Variants in EYS observed in about 807,000 individuals in gnomAD.
The protein encoded by EYS is EGF-like photoreceptor maintenance factor.
EYS carries 250 observed loss-of-function variants against 282.1 expected under a neutral mutation model. The observed-to-expected ratio is 0.89, with a 90% confidence interval of 0.80 to 0.98. The LOEUF (loss-of-function observed/expected upper bound fraction) is 0.98, where lower values mean the gene tolerates loss of function less well. Among genes scored for constraint, EYS ranks in the 50% least tolerant of loss-of-function variants. EYS has a pLI of 0.00. For synonymous variants in EYS, 1,355 were observed against 1,282.9 expected (o/e 1.06, Z -1.20); for missense variants, 4,016 against 3,709.0 (o/e 1.08, Z -2.15).
rs1280273701 is a variant in EYS at position 65,353,579 on chromosome 6, C to A, written c.1338G>T (p.Trp446Cys). The A allele has an allele frequency of 3.1e-6, 5 of 1,612,948 alleles. No homozygotes were observed. Residue 446 changes from tryptophan (W) to cysteine (C), a missense_variant, in exon 9 of 43, where the codon TGG (tryptophan) becomes TGT (cysteine). Transcript: ENST00000503581. ...CIPGCTKNPCWFLKNVYLIHQ... is the reference protein window; with the variant it reads ...CIPGCTKNPCCFLKNVYLIHQ... ...GAATTAGGTAAACATTCTTCAAAAA[C>A]CAACATGGATTTTTTGTGCACCCTG...
chr6:64,317,076 A>C (rs1389998860), intron 29 of EYS, among the ~76,000 whole-genome samples: 1 of 152,202 alleles, frequency 6.6e-6, no homozygotes, highest in Non-Finnish European at 1.5e-5. Context: ...AGATGGATTA[A>C]AGACTTAAAT....
At chr6:65,232,835 T>G (rs546544383) in intron 12 of EYS, among the ~76,000 whole-genome samples, 3 of 152,150 alleles carry the variant, frequency 2.0e-5, no homozygotes, top group Non-Finnish European at 4.4e-5. Flanking sequence ...CTCAAGGTTC[T>G]AGGCAATCAC....
chr6:65,194,861 T>A (rs1765727934), intron 12 of EYS, among the ~76,000 whole-genome samples: 3 of 151,800 alleles, frequency 2.0e-5, no homozygotes, highest in Admixed American at 2.0e-4. Flanking sequence ...TTGTTTTTTT[T>A]TTTTTAGACC....
chr6:63,857,886 T>G (rs1772434833), intron 36 of EYS: 1 of 190,838 alleles, frequency 5.2e-6, no homozygotes, highest in South Asian at 1.1e-4. Flanking sequence ...CTCTTTGGGG[T>G]GGGGACTCTT....
chr6:65,634,475 C>T (rs1767021629), intron 2 of EYS, among the ~76,000 whole-genome samples: 1 of 152,114 alleles, frequency 6.6e-6, no homozygotes, highest in Non-Finnish European at 1.5e-5. Context: ...ACACCCACTC[C>T]CTTAGCGATC....
intron 5 of EYS, among the ~76,000 whole-genome samples, chr6:65,431,633 G>A (rs1767891791): frequency 6.6e-6 from 1 of 152,008 alleles, no homozygotes; most frequent in African/African-American, 2.4e-5. Context: ...GAAATATTAT[G>A]TGTTGGAAAA....
chr6:63,949,764 G>T (rs1263376574), intron 35 of EYS, among the ~76,000 whole-genome samples: 1 of 152,166 alleles, frequency 6.6e-6, no homozygotes, highest in African/African-American at 2.4e-5. Context: ...AAAATAACAA[G>T]TTGGATTCCT....
intron 31 of EYS, among the ~76,000 whole-genome samples, chr6:64,191,680 A>G (rs1388941386): frequency 2.0e-5 from 3 of 152,134 alleles, no homozygotes; most frequent in Non-Finnish European, 4.4e-5. Flanking sequence ...ATGGCTGCAT[A>G]ATATTCCATG....
At chr6:64,113,192 TA>T (rs1484810019) in intron 31 of EYS, among the ~76,000 whole-genome samples, 2 of 152,164 alleles carry the variant, frequency 1.3e-5, no homozygotes, top group Non-Finnish European at 2.9e-5. Flanking sequence ...TACTAAGTTA[TA>T]AACTTTTATA....
At chr6:64,658,638 G>A (rs4461716) in intron 22 of EYS, among the ~76,000 whole-genome samples, 97,289 of 152,028 alleles carry the variant, frequency 0.64, 31,369 homozygotes, top group African/African-American at 0.71. Context: ...CTGTTTGCCT[G>A]GGTATCAGCA....
At chr6:64,128,161 A>C (rs1336580527) in intron 31 of EYS, among the ~76,000 whole-genome samples, 1 of 152,126 alleles carries the variant, frequency 6.6e-6, no homozygotes, top group Non-Finnish European at 1.5e-5. Flanking sequence ...AGCTTATTAC[A>C]TTGCTACACG....
chr6:65,123,765 C>CACAG (rs1775639223), intron 12 of EYS, among the ~76,000 whole-genome samples: 1 of 142,140 alleles, frequency 7.0e-6, no homozygotes, highest in African/African-American at 3.0e-5. Flanking sequence ...CACCCACACA[C>CACAG]ACACACACAC....
intron 2 of EYS, among the ~76,000 whole-genome samples, chr6:65,516,717 A>T (rs1307707412): frequency 6.6e-6 from 1 of 152,056 alleles, no homozygotes; most frequent in Non-Finnish European, 1.5e-5. Flanking sequence ...ATTTTACATG[A>T]GGATGTACAA....
intron 22 of EYS, among the ~76,000 whole-genome samples, chr6:64,742,535 T>C (rs770038199): frequency 5.3e-5 from 8 of 152,164 alleles, no homozygotes; most frequent in Admixed American, 2.0e-4. Flanking sequence ...TGACTGTACT[T>C]AAAACTGATC....
At chr6:65,033,779 A>T (rs1772680455) in intron 13 of EYS, among the ~76,000 whole-genome samples, 1 of 152,188 alleles carries the variant, frequency 6.6e-6, no homozygotes, top group African/African-American at 2.4e-5. Context: ...GTGGGGTTGG[A>T]GCCTTCACAC....
chr6:64,848,704 T>G (rs1187487348), intron 19 of EYS, among the ~76,000 whole-genome samples: 1 of 152,022 alleles, frequency 6.6e-6, no homozygotes, highest in East Asian at 1.9e-4. Context: ...GTGGTCTGAG[T>G]AATAGTACAC....
In EYS at chr6:65,160,297, A is replaced by G. The variant is rs79889716; in HGVS notation, c.2024-102570T>C. Among the ~76,000 whole-genome samples, 42 of 151,016 alleles carry G rather than the reference A, an allele frequency of 2.8e-4. No homozygotes were observed. The East Asian group carries it at 8.0e-3, about 29-fold the overall frequency. ...TCCAGATTACTGGTATAGGAAATGT[A>G]TTAGAGAGACATTTTTAAATGTCCT... On this transcript the variant is annotated intron_variant, in intron 12 of 42. Coordinates refer to ENST00000503581, the MANE Select transcript of EYS (RefSeq NM_001142800.2).
intron 2 of EYS, among the ~76,000 whole-genome samples, chr6:65,575,706 A>G (rs1373198469): frequency 1.3e-5 from 2 of 152,014 alleles, no homozygotes; most frequent in African/African-American, 4.8e-5. Context: ...AGCTAGACCA[A>G]CAGGGAAAAA....
At chr6:65,004,533 A>T (rs541526681) in intron 13 of EYS, among the ~76,000 whole-genome samples, 1 of 147,874 alleles carries the variant, frequency 6.8e-6, no homozygotes, top group East Asian at 2.1e-4. Context: ...GGACCTGAAA[A>T]GCTGGCACAC....
Sources: gnomAD v4.1 joint callset for allele counts (sites outside exome capture counted in the v4.1 genomes callset) on GRCh38, gnomAD v4.1.1 for gene constraint, MANE v1.5 for transcripts, NCBI Gene and HGNC (gene_info 2026-07-23, HGNC 2026-07-21) for gene names.